Variants in CNBD1 observed in about 807,000 individuals in gnomAD.
The protein encoded by CNBD1 is cyclic nucleotide-binding domain-containing protein 1.
CNBD1 carries 71 observed loss-of-function variants against 54.4 expected under a neutral mutation model. The ratio of observed to expected loss-of-function variants is 1.30; its 90% CI spans 1.08 to 1.59. The LOEUF is 1.59. CNBD1 is among the 40% of genes most tolerant of loss of function. The pLI is 0.00. For missense variants in CNBD1, 659 were observed against 518.0 expected (o/e 1.27, Z -2.64); for synonymous variants, 182 against 170.7 (o/e 1.07, Z -0.51).
intron 4 of CNBD1, among the ~76,000 whole-genome samples, chr8:87,199,758 G>T (rs1813813726): frequency 6.6e-6 from 1 of 152,130 alleles, no homozygotes; most frequent in African/African-American, 2.4e-5. Context: ...TCAACAATGA[G>T]TATTTCTTGG....
At chr8:86,936,758 A>G (rs1350351104) in intron 3 of CNBD1, among the ~76,000 whole-genome samples, 1 of 151,838 alleles carries the variant, frequency 6.6e-6, no homozygotes, top group Non-Finnish European at 1.5e-5. Context: ...AAAAAAAAAA[A>G]AAATCTATAG....
intron 2 of CNBD1, among the ~76,000 whole-genome samples, chr8:87,403,935 G>A (rs1247887139): frequency 6.6e-6 from 1 of 152,010 alleles, no homozygotes; most frequent in Non-Finnish European, 1.5e-5. Context: ...TACAAATAGT[G>A]CTATCTGAAC....
At chr8:87,361,692 A>G (rs1296656510) in intron 10 of CNBD1, among the ~76,000 whole-genome samples, 1 of 147,752 alleles carries the variant, frequency 6.8e-6, no homozygotes, top group Admixed American at 6.8e-5. Context: ...TTGGATGAAT[A>G]TATATATATA....
chr8:87,061,508 G>C (rs1486713512), intron 4 of CNBD1, among the ~76,000 whole-genome samples: 1 of 152,140 alleles, frequency 6.6e-6, no homozygotes, highest in Non-Finnish European at 1.5e-5. Context: ...GCTTTCATAT[G>C]CATTTACATT....
intron 4 of CNBD1, among the ~76,000 whole-genome samples, chr8:87,138,713 G>A (rs1812310924): frequency 6.6e-6 from 1 of 152,108 alleles, no homozygotes; most frequent in Non-Finnish European, 1.5e-5. Flanking sequence ...CTAACATAAC[G>A]TGTTTATAAC....
At chr8:87,422,167 G>A (rs2130993710) in intron 2 of CNBD1, among the ~76,000 whole-genome samples, 1 of 146,180 alleles carries the variant, frequency 6.8e-6, no homozygotes, top group Non-Finnish European at 1.5e-5. Context: ...TGTAGATTCT[G>A]GATATTAGCC....
intron 4 of CNBD1, among the ~76,000 whole-genome samples, chr8:86,967,126 G>C (rs1011162937): frequency 6.6e-6 from 1 of 152,220 alleles, no homozygotes; most frequent in Non-Finnish European, 1.5e-5. Context: ...CAGGAGTGGA[G>C]AGAGGCCAGG....
intron 4 of CNBD1, among the ~76,000 whole-genome samples, chr8:87,175,145 C>T (rs1382484322): frequency 6.6e-6 from 1 of 152,150 alleles, no homozygotes. Flanking sequence ...AGGCTTGTTT[C>T]CTTCGCTTCA....
At chr8:86,912,422 A>G (rs1809114668) in intron 3 of CNBD1, among the ~76,000 whole-genome samples, 1 of 152,326 alleles carries the variant, frequency 6.6e-6, no homozygotes, top group African/African-American at 2.4e-5. Flanking sequence ...CCAACAGTGG[A>G]TCACATATAC....
At chr8:87,293,087 G>A (rs1158180207) in intron 8 of CNBD1, among the ~76,000 whole-genome samples, 1 of 151,916 alleles carries the variant, frequency 6.6e-6, no homozygotes, top group Admixed American at 6.6e-5. Flanking sequence ...TCTACCAATG[G>A]TCTCCTTTGT....
chr8:87,271,586 A>T (rs2130858408), intron 6 of CNBD1, among the ~76,000 whole-genome samples: 1 of 151,866 alleles, frequency 6.6e-6, no homozygotes, highest in Non-Finnish European at 1.5e-5. Context: ...TGGCTTTTAT[A>T]AAAAAAATTC....
At chr8:86,951,405 G>A (rs926532372) in intron 4 of CNBD1, among the ~76,000 whole-genome samples, 11 of 150,748 alleles carry the variant, frequency 7.3e-5, no homozygotes, top group African/African-American at 2.7e-4. Flanking sequence ...CCTGGCCCAC[G>A]TGGTGAAACT....
Position 86,870,189 on chromosome 8 carries a change from C to CCTTTT in CNBD1, c.88+3606_88+3607insCTTTT, listed in dbSNP as rs1554626453. ...AGAAATTTAGAAACAAGATAGTACTCTTTTTTTTTTTTTTTCTGAGACGGA... is the reference window on the plus strand; with the variant it reads ...AGAAATTTAGAAACAAGATAGTACTCCTTTTTTTTTTTTTTTTTTTCTGAGACGGA... On this transcript the variant is annotated intron_variant, in intron 1 of 10. Coordinates refer to ENST00000518476, the MANE Select transcript of CNBD1 (RefSeq NM_173538.3). Among the ~76,000 whole-genome samples, 11 of 100,602 alleles carry CCTTTT rather than the reference C, an allele frequency of 1.1e-4. 1 individual carries two copies. Among genetic ancestry groups the CCTTTT allele is most frequent in the Middle Eastern group, 5.3e-3 (1 of 188 alleles). The allele number at this position is 100,602 out of a possible 152,430, so 66.0% of individuals were successfully genotyped here. A position where few individuals can be genotyped will look rare whatever the true frequency, so the allele number is the denominator to read the frequency against.
At chr8:86,951,455 C>A (rs1158045019) in intron 4 of CNBD1, among the ~76,000 whole-genome samples, 2 of 151,190 alleles carry the variant, frequency 1.3e-5, no homozygotes, top group East Asian at 3.9e-4. Flanking sequence ...TGGTGGGCAC[C>A]TGTAATCCCA....
At chr8:87,128,746 T>C in intron 4 of CNBD1, among the ~76,000 whole-genome samples, 1 of 151,804 alleles carries the variant, frequency 6.6e-6, no homozygotes, top group East Asian at 1.9e-4. Flanking sequence ...ATATTGTCTT[T>C]TTATATATTG....
intron 5 of CNBD1, 29 bp downstream of exon 5, chr8:87,206,167 C>T (rs746623692): frequency 1.4e-5 from 21 of 1,475,438 alleles, no homozygotes; most frequent in East Asian, 2.5e-5. Flanking sequence ...ATAAATTTGG[C>T]GAGATAAAAT....
chr8:87,309,842 G>T (rs772129137), intron 8 of CNBD1, among the ~76,000 whole-genome samples: 1 of 151,626 alleles, frequency 6.6e-6, no homozygotes, highest in Non-Finnish European at 1.5e-5. Flanking sequence ...GGGCAATCAG[G>T]CAAGAAAAAA....
intron 10 of CNBD1, among the ~76,000 whole-genome samples, chr8:87,370,805 G>A (rs1169738190): frequency 2.0e-5 from 3 of 149,574 alleles, no homozygotes; most frequent in East Asian, 2.0e-4. Flanking sequence ...CCTTGCCCAT[G>A]CCTATGTCCT....
chr8:86,971,048 C>A lies in CNBD1; in HGVS notation c.431+31294C>A, dbSNP rs1179454437. On this transcript the variant is annotated intron_variant, in intron 4 of 10. Transcript: ENST00000518476. ...CAATTATAATTATTAATTTGTGATG[C>A]AGTTTTATCACATTTTAAATATATA... is the stretch of plus-strand genomic sequence containing the variant. Among the ~76,000 whole-genome samples the A allele has an allele frequency of 3.9e-5, 6 of 152,166 alleles. No individual in the cohort carries two copies. The East Asian group carries it at 9.7e-4, about 25-fold the overall frequency.
Sources: gnomAD v4.1 joint callset for allele counts (sites outside exome capture counted in the v4.1 genomes callset) on GRCh38, gnomAD v4.1.1 for gene constraint, MANE v1.5 for transcripts, NCBI Gene and HGNC (gene_info 2026-07-23, HGNC 2026-07-21) for gene names.